Variants in BLTP1 observed in about 807,000 individuals in gnomAD.
BLTP1 encodes bridge-like lipid transfer protein family member 1, also known as fragile site-associated protein.
the BLTP1 span, chr4:122,170,412 GACATT>G: frequency 1.0e-6 from 1 of 979,760 alleles, no homozygotes; most frequent in Non-Finnish European, 1.2e-6. Flanking sequence ...GTGAAATCAG[GACATT>G]ACAAGTATGA....
At chr4:122,333,728 C>G in the BLTP1 span, 1 of 1,612,108 alleles carries the variant, frequency 6.2e-7, no homozygotes, top group East Asian at 2.2e-5. Context: ...TAATGACCGG[C>G]AAGAAAGTGC....
chr4:122,243,358 T>C, the BLTP1 span: 1 of 952,090 alleles, frequency 1.1e-6, no homozygotes. Flanking sequence ...ATATTAAAAT[T>C]TTCTCATTCA....
chr4:122,286,852 A>T, the BLTP1 span: 2 of 1,278,414 alleles, frequency 1.6e-6, no homozygotes, highest in Admixed American at 4.5e-5. Flanking sequence ...TATGTACCAA[A>T]ATATGTAGTA....
chr4:122,335,511 T>C, the BLTP1 span, among the ~76,000 whole-genome samples: 2 of 152,136 alleles, frequency 1.3e-5, no homozygotes, highest in East Asian at 1.9e-4. Flanking sequence ...AAACTTGATA[T>C]ATAAACCTTT....
chr4:122,199,432 A>G, the BLTP1 span: 1 of 1,613,476 alleles, frequency 6.2e-7, no homozygotes, highest in East Asian at 2.2e-5. Context: ...GGACCCTTTT[A>G]GAAGCAGAAA....
the BLTP1 span, chr4:122,315,356 G>A: frequency 7.1e-7 from 1 of 1,402,714 alleles, no homozygotes; most frequent in African/African-American, 1.4e-5. Flanking sequence ...GACAAGTTTA[G>A]CAGTGAAAGA....
the BLTP1 span, among the ~76,000 whole-genome samples, chr4:122,228,559 G>A: frequency 6.6e-6 from 1 of 152,034 alleles, no homozygotes; most frequent in Admixed American, 6.6e-5. Flanking sequence ...CATGCTATTG[G>A]GCCAATAATT....
At chr4:122,185,264 TC>T in the BLTP1 span, 103 of 980,524 alleles carry the variant, frequency 1.1e-4, no homozygotes, top group Non-Finnish European at 1.1e-4. Flanking sequence ...CATTTAAATA[TC>T]CGTAAATGTT....
chr4:122,345,533 T>TTAAATGTTGAACATTTAATTGGTTA, the BLTP1 span, among the ~76,000 whole-genome samples: 1 of 142,676 alleles, frequency 7.0e-6, no homozygotes, highest in Non-Finnish European at 1.6e-5. Flanking sequence ...TTAATTGGTT[T>TTAAATGTTGAACATTTAATTGGTTA]AAGTGGATGG....
At chr4:122,256,741 A>G in the BLTP1 span, 1 of 256,620 alleles carries the variant, frequency 3.9e-6, no homozygotes, top group Non-Finnish European at 6.1e-6. Flanking sequence ...TATTACTGAT[A>G]ATACAGTTAA....
the BLTP1 span, among the ~76,000 whole-genome samples, chr4:122,352,355 C>CTTTTTTTT: frequency 1.8e-5 from 2 of 111,710 alleles, no homozygotes; most frequent in East Asian, 5.2e-4. Flanking sequence ...TTTGGTTTTT[C>CTTTTTTTT]TTTTTTTTTT....
chr4:122,247,873 T>G, the BLTP1 span: 1 of 976,474 alleles, frequency 1.0e-6, no homozygotes, highest in Admixed American at 6.2e-5. Context: ...TTGATTCTTA[T>G]TTAGCACATT....
At chr4:122,272,117 A>G in the BLTP1 span, 1 of 1,575,528 alleles carries the variant, frequency 6.3e-7, no homozygotes, top group Non-Finnish European at 8.6e-7. Context: ...TCCATTTTTC[A>G]GTCTTCGTAT....
chr4:122,213,576 A>C, the BLTP1 span, among the ~76,000 whole-genome samples: 3 of 152,140 alleles, frequency 2.0e-5, no homozygotes, highest in Non-Finnish European at 2.9e-5. Flanking sequence ...TTAAACATCA[A>C]GAAATTATAA....
At chr4:122,203,134 C>T in the BLTP1 span, among the ~76,000 whole-genome samples, 1 of 151,872 alleles carries the variant, frequency 6.6e-6, no homozygotes, top group Non-Finnish European at 1.5e-5. Context: ...GTTTGGATTG[C>T]TTTGTCTATT....
chr4:122,343,571 A>G, the BLTP1 span: 3 of 1,613,974 alleles, frequency 1.9e-6, no homozygotes, highest in Non-Finnish European at 2.5e-6. Context: ...GAAACAAAAA[A>G]CTGCTGTTTC....
chr4:122,189,478 A>G, the BLTP1 span: 1 of 938,488 alleles, frequency 1.1e-6, no homozygotes, highest in Non-Finnish European at 1.3e-6. Flanking sequence ...AGGTAATAAG[A>G]AGATAAAAAT....
At chr4:122,324,506 G>T in the BLTP1 span, 1 of 1,610,708 alleles carries the variant, frequency 6.2e-7, no homozygotes, top group South Asian at 1.1e-5. Context: ...GCTTCTGGAA[G>T]ACCACCTCTT....
At chr4:122,244,677 C>G in the BLTP1 span, 1 of 968,564 alleles carries the variant, frequency 1.0e-6, no homozygotes, top group Non-Finnish European at 1.2e-6. Context: ...CTTCCTTTTC[C>G]TGCAAAAGCA....
Sources: gnomAD v4.1 joint callset for allele counts (sites outside exome capture counted in the v4.1 genomes callset) on GRCh38, gnomAD v4.1.1 for gene constraint, MANE v1.5 for transcripts, NCBI Gene and HGNC (gene_info 2026-07-23, HGNC 2026-07-21) for gene names.